GPC5: variants seen among roughly 807,000 people sequenced by gnomAD.
GPC5 encodes glypican-5.
GPC5 carries 47 observed loss-of-function variants against 53.9 expected under a neutral mutation model. That is an observed-to-expected ratio of 0.87 (90% CI 0.69 to 1.11). The LOEUF (loss-of-function observed/expected upper bound fraction) is 1.11, where lower values mean the gene tolerates loss of function less well. Ranked by LOEUF, GPC5 falls within the 50% of genes most tolerant of loss-of-function variation. The probability of loss-of-function intolerance (pLI) is 0.00; values close to 1 mark genes in which losing one functional copy is unlikely to be tolerated. For synonymous variants in GPC5, 286 were observed against 263.3 expected (o/e 1.09, Z -0.84); for missense variants, 748 against 713.1 (o/e 1.05, Z -0.56).
chr13:91,565,854 T>C (rs866865433), intron 2 of GPC5, among the ~76,000 whole-genome samples: 1 of 152,312 alleles, frequency 6.6e-6, no homozygotes, highest in East Asian at 1.9e-4. Flanking sequence ...TGGTTACTTC[T>C]GGAGGCTCTG....
At chr13:91,709,108 A>G (rs9556110) in intron 3 of GPC5, among the ~76,000 whole-genome samples, 17,566 of 152,224 alleles carry the variant, frequency 0.12, 1,411 homozygotes, top group East Asian at 0.25. Flanking sequence ...TTGAGTGTTT[A>G]CAGTGTCCTA....
chr13:92,692,776 T>TTTTTTTTA (rs1887448702), intron 7 of GPC5, among the ~76,000 whole-genome samples: 5 of 146,516 alleles, frequency 3.4e-5, no homozygotes, highest in African/African-American at 1.0e-4. Flanking sequence ...TTTTTTTTTT[T>TTTTTTTTA]ACATTTTACC....
intron 7 of GPC5, among the ~76,000 whole-genome samples, chr13:92,650,698 G>T (rs1450919960): frequency 6.6e-6 from 1 of 152,034 alleles, no homozygotes; most frequent in Non-Finnish European, 1.5e-5. Flanking sequence ...TGGAGATTTT[G>T]CCCATTAATG....
At chr13:91,981,164 A>G (rs1161921951) in intron 6 of GPC5, among the ~76,000 whole-genome samples, 1 of 152,220 alleles carries the variant, frequency 6.6e-6, no homozygotes, top group Admixed American at 6.5e-5. Flanking sequence ...ACTGCTAAAC[A>G]GTTTTCTAAA....
chr13:92,401,538 G>A (rs560336536), intron 7 of GPC5, among the ~76,000 whole-genome samples: 28 of 152,112 alleles, frequency 1.8e-4, no homozygotes, highest in African/African-American at 6.5e-4. Context: ...AGAAAAATTT[G>A]AAGCCATATA....
At chr13:92,577,931 A>C (rs1431673952) in intron 7 of GPC5, among the ~76,000 whole-genome samples, 1 of 152,202 alleles carries the variant, frequency 6.6e-6, no homozygotes, top group Non-Finnish European at 1.5e-5. Context: ...ATATTGGCAC[A>C]TGGATTATTT....
In GPC5 at chr13:91,531,922, A is replaced by G. The variant is rs148864557; in HGVS notation, c.325+83000A>G. Among the ~76,000 whole-genome samples the G allele has an allele frequency of 1.1e-3, 169 of 152,314 alleles. 2 individuals carry two copies. The East Asian group carries it at 0.03, about 27-fold the overall frequency. On this transcript the variant is annotated intron_variant, in intron 2 of 7. Coordinates refer to ENST00000377067, the MANE Select transcript of GPC5 (RefSeq NM_004466.6). ...ATGAGTCTCTTAGATCTTTCTGCTAATAAGACTAAATAAATGTGTTACTCG... is the reference window on the plus strand; with the variant it reads ...ATGAGTCTCTTAGATCTTTCTGCTAGTAAGACTAAATAAATGTGTTACTCG...
At chr13:91,997,701 G>C (rs371600685) in intron 6 of GPC5, among the ~76,000 whole-genome samples, 11 of 152,164 alleles carry the variant, frequency 7.2e-5, no homozygotes, top group African/African-American at 2.6e-4. Context: ...TGTCTTTTTA[G>C]TAGAGACGGG....
Position 92,789,433 on chromosome 13 carries a change from G to T in GPC5, c.1562-76849G>T, listed in dbSNP as rs557785156. 6.6e-5 allele frequency among the ~76,000 whole-genome samples: 10 copies of T among 152,292 alleles called. No homozygotes were observed. The East Asian group carries it at 1.9e-3, about 29-fold the overall frequency. The stretch of plus-strand genomic sequence containing the variant: ...GTCATTTTGAGAAAACTGCTGACAA[G>T]ATTACACAGGGGAGAAGCATAAATT... On this transcript the variant is annotated intron_variant, in intron 7 of 7. Coordinates refer to ENST00000377067, the MANE Select transcript of GPC5 (RefSeq NM_004466.6).
rs1342057902 is a variant in GPC5, at chr13:92,570,159, A to G, written c.1562-296123A>G. ...TTGACAATCATAAAAGAAGAGCAAA[A>G]TCAGAGTCAGCTGTAAAATTGAAAG... On this transcript the variant is annotated intron_variant, in intron 7 of 7. Transcript: ENST00000377067. Among the ~76,000 whole-genome samples the G allele has an allele frequency of 2.0e-5, 3 of 152,302 alleles. No individual in the cohort carries two copies. In the East Asian group the frequency reaches 5.8e-4, roughly 29 times the overall value.
At chr13:91,504,382 T>G (rs1456745776) in intron 2 of GPC5, among the ~76,000 whole-genome samples, 1 of 152,106 alleles carries the variant, frequency 6.6e-6, no homozygotes, top group Non-Finnish European at 1.5e-5. Context: ...ATTAATAACA[T>G]TATTCTATAA....
chr13:92,643,676 A>T (rs1885668296), intron 7 of GPC5, among the ~76,000 whole-genome samples: 1 of 146,116 alleles, frequency 6.8e-6, no homozygotes, highest in African/African-American at 2.5e-5. Context: ...GAATTGAACA[A>T]TGAGATCACA....
chr13:91,701,131 T>G (rs1244681299), intron 3 of GPC5, among the ~76,000 whole-genome samples: 3 of 152,156 alleles, frequency 2.0e-5, no homozygotes, highest in Non-Finnish European at 4.4e-5. Flanking sequence ...GTGTACAACA[T>G]GATATTTTGA....
chr13:92,808,810 T>C (rs1877193533), intron 7 of GPC5, among the ~76,000 whole-genome samples: 1 of 152,024 alleles, frequency 6.6e-6, no homozygotes, highest in African/African-American at 2.4e-5. Context: ...GGCTACTTTT[T>C]AGTGGTATAA....
At chr13:91,795,866 C>G (rs2038037978) in intron 5 of GPC5, among the ~76,000 whole-genome samples, 2 of 152,146 alleles carry the variant, frequency 1.3e-5, no homozygotes, top group East Asian at 3.9e-4. Flanking sequence ...TACAGTTTTT[C>G]TCTTTGCTGT....
At position 91,827,902 on chromosome 13, in the gene GPC5, C is replaced by A. The variant is rs193050557; in HGVS notation, c.1280+71482C>A. On this transcript the variant is annotated intron_variant, in intron 5 of 7. Transcript: ENST00000377067. ...ACTTGTTTATACGTACTCACAGCAT[C>A]ATTATTCAAAATAACCCAACATTGT... Among the ~76,000 whole-genome samples the A allele has an allele frequency of 3.4e-3, 516 of 152,120 alleles. 3 individuals carry two copies. Among genetic ancestry groups the A allele is most frequent in the African/African-American group, 0.012 (491 of 41,530 alleles).
intron 2 of GPC5, among the ~76,000 whole-genome samples, chr13:91,677,248 G>C (rs1238284196): frequency 6.6e-6 from 1 of 152,092 alleles, no homozygotes; most frequent in Admixed American, 6.5e-5. Flanking sequence ...ATTAAATCTC[G>C]ACCTTGGTGA....
At chr13:92,651,771 A>T (rs1233561545) in intron 7 of GPC5, among the ~76,000 whole-genome samples, 1 of 152,178 alleles carries the variant, frequency 6.6e-6, no homozygotes, top group Admixed American at 6.5e-5. Flanking sequence ...GTACTATCTT[A>T]GTAATTTTTT....
chr13:91,821,715 T>TATAA (rs1271258635), intron 5 of GPC5, among the ~76,000 whole-genome samples: 106 of 152,280 alleles, frequency 7.0e-4, no homozygotes, highest in African/African-American at 2.3e-3. Flanking sequence ...TTCTAATCTA[T>TATAA]TCATATGATT....
Sources: gnomAD v4.1 joint callset for allele counts (sites outside exome capture counted in the v4.1 genomes callset) on GRCh38, gnomAD v4.1.1 for gene constraint, MANE v1.5 for transcripts, NCBI Gene and HGNC (gene_info 2026-07-23, HGNC 2026-07-21) for gene names.